The following MITF variants were observed in gnomAD, a reference collection of about 807,000 sequenced individuals.
MITF encodes the protein microphthalmia-associated transcription factor.
MITF carries 17 observed loss-of-function variants against 60.5 expected under a neutral mutation model. That is an observed-to-expected ratio of 0.28 (90% confidence interval 0.19 to 0.42). The LOEUF (loss-of-function observed/expected upper bound fraction) is 0.42, where lower values mean the gene tolerates loss of function less well. Ranked by LOEUF, MITF falls within the 10% of genes least tolerant of loss-of-function variation. MITF has a pLI of 1.00. For missense variants in MITF, 622 were observed against 683.5 expected (o/e 0.91, Z 1.00); for synonymous variants, 260 against 248.5 (o/e 1.05, Z -0.43).
intron 1 of MITF, among the ~76,000 whole-genome samples, chr3:69,843,199 G>A (rs1325226352): frequency 1.3e-5 from 2 of 152,184 alleles, no homozygotes; most frequent in African/African-American, 4.8e-5. Flanking sequence ...GTGAAGAACA[G>A]ATGTTCATTT....
At chr3:69,936,764 T>G (rs759880911) in intron 2 of MITF, 1 of 1,612,276 alleles carries the variant, frequency 6.2e-7, no homozygotes, top group Non-Finnish European at 8.5e-7. Context: ...AGGTGAGATT[T>G]ATTCTGACTC....
At chr3:69,921,974 C>T (rs758869195) in intron 2 of MITF, among the ~76,000 whole-genome samples, 57 of 152,158 alleles carry the variant, frequency 3.7e-4, no homozygotes, top group Admixed American at 1.9e-3. Flanking sequence ...TTATGACAAC[C>T]AAAAGTATCT....
At chr3:69,761,241 C>T (rs2062208215) in intron 1 of MITF, among the ~76,000 whole-genome samples, 1 of 152,108 alleles carries the variant, frequency 6.6e-6, no homozygotes, top group Non-Finnish European at 1.5e-5. Flanking sequence ...TAATAATTTA[C>T]ATCTAGGTGA....
At chr3:69,937,037 A>G (rs563632322) in intron 2 of MITF, 1 of 315,556 alleles carries the variant, frequency 3.2e-6, no homozygotes, top group Non-Finnish European at 5.8e-6. Flanking sequence ...GTCTTTATCA[A>G]GAAAAAAGTG....
At chr3:69,786,910 G>T (rs962199480) in intron 1 of MITF, among the ~76,000 whole-genome samples, 3 of 152,134 alleles carry the variant, frequency 2.0e-5, no homozygotes, top group African/African-American at 7.2e-5. Flanking sequence ...ATCATGGTTG[G>T]ATTGACCATA....
rs914383831 is a variant in MITF at position 69,739,500 on chromosome 3, G to T, written c.-98G>T. 11 of 1,160,086 alleles carry T rather than the reference G, an allele frequency of 9.5e-6. No individual in the cohort carries two copies. The highest frequency in any genetic ancestry group is 3.1e-5 in the African/African-American group (2 of 65,218). The allele number at this position is 1,160,086 out of a possible 1,614,324, so 71.9% of individuals were successfully genotyped here. A position where few individuals can be genotyped will look rare whatever the true frequency, so the allele number is the denominator to read the frequency against. On this transcript the variant is annotated 5_prime_UTR_variant, in exon 1 of 10. Transcript: ENST00000352241. Reference sequence around the variant, plus strand: ...AGCGGGCAGAGCTCGGCACTGCGCCGGGGCGCACGGCTCGGGGGACCCAGG... The same window carrying T: ...AGCGGGCAGAGCTCGGCACTGCGCCTGGGCGCACGGCTCGGGGGACCCAGG...
intron 2 of MITF, among the ~76,000 whole-genome samples, chr3:69,907,839 C>G (rs1181462101): frequency 1.3e-5 from 2 of 152,272 alleles, no homozygotes; most frequent in East Asian, 3.9e-4. Flanking sequence ...GCAGTTTTCT[C>G]TGTGAACACA....
intron 1 of MITF, among the ~76,000 whole-genome samples, chr3:69,819,918 T>A (rs752661283): frequency 5.3e-5 from 8 of 152,102 alleles, no homozygotes; most frequent in Non-Finnish European, 8.8e-5. Flanking sequence ...TTAGCCAAAG[T>A]TGCACCATTG....
chr3:69,796,357 A>T (rs6549251), intron 1 of MITF, among the ~76,000 whole-genome samples: 47,055 of 151,790 alleles, frequency 0.31, 8,749 homozygotes, highest in Non-Finnish European at 0.42. Flanking sequence ...TCTTATTTAG[A>T]AAAGGGAATC....
intron 1 of MITF, among the ~76,000 whole-genome samples, chr3:69,848,046 AT>A (rs2063761551): frequency 6.6e-6 from 1 of 152,116 alleles, no homozygotes; most frequent in African/African-American, 2.4e-5. Flanking sequence ...TCTTCTGCTT[AT>A]TTTCCGTGTA....
At chr3:69,866,311 G>A in intron 1 of MITF, 2 of 1,613,888 alleles carry the variant, frequency 1.2e-6, no homozygotes, top group Non-Finnish European at 1.7e-6. Context: ...TTAGAGTTCA[G>A]ATGTTCATGC....
In MITF at chr3:69,831,426, C is replaced by T. The variant is rs768689311; in HGVS notation, c.105-47708C>T. On this transcript the variant is annotated intron_variant, in intron 1 of 9. Coordinates refer to ENST00000352241, the MANE Select transcript of MITF (RefSeq NM_001354604.2). ...CCTTGCCATGCAAAGGAAGACCTTC[C>T]GTTCTTTGCTGTGTGCTGTGATGTT... is the stretch of plus-strand genomic sequence containing the variant. Among the ~76,000 whole-genome samples the T allele has an allele frequency of 7.2e-5, 11 of 152,118 alleles. No homozygotes were observed. The East Asian group carries it at 1.3e-3, about 19-fold the overall frequency.
At chr3:69,742,072 G>T (rs1302422755) in intron 1 of MITF, among the ~76,000 whole-genome samples, 1 of 152,102 alleles carries the variant, frequency 6.6e-6, no homozygotes, top group Admixed American at 6.5e-5. Context: ...TACCACTTTG[G>T]TCCAAGCCAC....
chr3:69,875,945 G>A (rs1042783605), intron 1 of MITF, among the ~76,000 whole-genome samples: 2 of 152,194 alleles, frequency 1.3e-5, no homozygotes, highest in African/African-American at 4.8e-5. Context: ...TTTGCAGGAA[G>A]ATTTATTAAA....
chr3:69,949,745 A>G (rs985229864), intron 6 of MITF, among the ~76,000 whole-genome samples: 1 of 152,216 alleles, frequency 6.6e-6, no homozygotes, highest in African/African-American at 2.4e-5. Context: ...GTGTGAAATT[A>G]CTTATTTCTC....
chr3:69,906,648 A>G (rs1344287042), intron 2 of MITF, among the ~76,000 whole-genome samples: 1 of 152,118 alleles, frequency 6.6e-6, no homozygotes, highest in Non-Finnish European at 1.5e-5. Flanking sequence ...CTTATTTTAC[A>G]TGGTCTTTAA....
At chr3:69,758,516 A>G (rs1222916826) in intron 1 of MITF, among the ~76,000 whole-genome samples, 1 of 152,188 alleles carries the variant, frequency 6.6e-6, no homozygotes, top group African/African-American at 2.4e-5. Flanking sequence ...GCCTTTAGCT[A>G]TCACTTTTTT....
intron 1 of MITF, among the ~76,000 whole-genome samples, chr3:69,805,665 TTC>T (rs985804285): frequency 5.3e-5 from 8 of 152,090 alleles, no homozygotes; most frequent in Admixed American, 5.2e-4. Context: ...AAATGCATCT[TTC>T]TTTTTTTAAA....
intron 1 of MITF, among the ~76,000 whole-genome samples, chr3:69,815,729 C>T (rs1186872189): frequency 6.6e-6 from 1 of 151,990 alleles, no homozygotes; most frequent in Non-Finnish European, 1.5e-5. Context: ...AGTTGGCATC[C>T]CTAACCCCTA....
Sources: gnomAD v4.1 joint callset for allele counts (sites outside exome capture counted in the v4.1 genomes callset) on GRCh38, gnomAD v4.1.1 for gene constraint, MANE v1.5 for transcripts, NCBI Gene and HGNC (gene_info 2026-07-23, HGNC 2026-07-21) for gene names.